The following CACNB2 variants were observed in gnomAD, a reference collection of about 807,000 sequenced individuals.
The protein encoded by CACNB2 is calcium voltage-gated channel auxiliary subunit beta 2.
A neutral mutation model predicts 73.3 loss-of-function variants in CACNB2; 42 were observed. The ratio of observed to expected loss-of-function variants is 0.57; its 90% CI spans 0.45 to 0.74. The LOEUF is 0.74. Among genes scored for constraint, CACNB2 ranks in the 30% least tolerant of loss-of-function variants. The probability of loss-of-function intolerance (pLI) is 0.00; values close to 1 mark genes in which losing one functional copy is unlikely to be tolerated. For missense variants in CACNB2, 940 were observed against 853.0 expected (o/e 1.10, Z -1.27); for synonymous variants, 348 against 310.3 (o/e 1.12, Z -1.28).
At position 18,398,060 on chromosome 10, in the gene CACNB2, G is replaced by A. The variant is rs1222479454; in HGVS notation, c.214-3864G>A. On this transcript the variant is annotated intron_variant, in intron 2 of 13. Coordinates refer to ENST00000324631, the MANE Select transcript of CACNB2 (RefSeq NM_201596.3). ...GTACATTTTGTAATGAACCTATTCC[G>A]GAGTTATGGAAACGACCGCCAGCTG... 1.2e-4 allele frequency among the ~76,000 whole-genome samples: 19 copies of A among 152,256 alleles called. No individual in the cohort carries two copies. In the South Asian group the frequency reaches 2.3e-3, roughly 18 times the overall value.
At chr10:18,433,718 G>A (rs2045997306) in intron 3 of CACNB2, among the ~76,000 whole-genome samples, 1 of 152,076 alleles carries the variant, frequency 6.6e-6, no homozygotes. Flanking sequence ...AGGAAAGAGT[G>A]GAACAAGGAG....
At chr10:18,183,336 A>AT (rs35228203) in intron 2 of CACNB2, among the ~76,000 whole-genome samples, 33,153 of 151,396 alleles carry the variant, frequency 0.22, 3,906 homozygotes, top group South Asian at 0.28. Flanking sequence ...CTTTTTTATT[A>AT]TTTTTTTTCA....
chr10:18,398,960 T>G (rs79298764), intron 2 of CACNB2, among the ~76,000 whole-genome samples: 4,250 of 152,212 alleles, frequency 0.028, 219 homozygotes, highest in African/African-American at 0.097. Flanking sequence ...GCAAAGGACT[T>G]TTTATATCTT....
chr10:18,404,883 A>T (rs1385686770), intron 3 of CACNB2, among the ~76,000 whole-genome samples: 1 of 152,194 alleles, frequency 6.6e-6, no homozygotes, highest in Non-Finnish European at 1.5e-5. Context: ...TTAACCACTA[A>T]ACTGCAGTGA....
At chr10:18,504,880 G>A (rs1403930609) in intron 5 of CACNB2, among the ~76,000 whole-genome samples, 2 of 152,182 alleles carry the variant, frequency 1.3e-5, no homozygotes, top group African/African-American at 4.8e-5. Flanking sequence ...CCCAACCTTA[G>A]GTGATCCACC....
chr10:18,386,782 A>G (rs1160877538), intron 2 of CACNB2, among the ~76,000 whole-genome samples: 4 of 152,148 alleles, frequency 2.6e-5, no homozygotes, highest in African/African-American at 9.7e-5. Context: ...ATCAGTTGGT[A>G]AGAGAGCTAG....
intron 3 of CACNB2, among the ~76,000 whole-genome samples, chr10:18,408,821 A>G (rs2132605194): frequency 6.6e-6 from 1 of 152,104 alleles, no homozygotes; most frequent in Middle Eastern, 3.4e-3. Context: ...AGGGAAGAGT[A>G]TTTTTTCTTA....
chr10:18,447,963 G>C (rs2046817414), intron 3 of CACNB2, among the ~76,000 whole-genome samples: 1 of 152,100 alleles, frequency 6.6e-6, no homozygotes, highest in Admixed American at 6.6e-5. Context: ...AAGCAGAAAA[G>C]AAGGGATAAT....
chr10:18,399,468 G>C (rs567335037), intron 2 of CACNB2, among the ~76,000 whole-genome samples: 36 of 152,194 alleles, frequency 2.4e-4, no homozygotes, highest in Admixed American at 1.8e-3. Context: ...CCTATTCTAC[G>C]TATTTTCTAG....
At chr10:18,426,555 T>C (rs1274241006) in intron 3 of CACNB2, among the ~76,000 whole-genome samples, 4 of 152,216 alleles carry the variant, frequency 2.6e-5, no homozygotes, top group Admixed American at 6.5e-5. Flanking sequence ...AAATTCTATT[T>C]CTGGTTGAGC....
intron 2 of CACNB2, chr10:18,260,908 A>C: frequency 4.4e-6 from 5 of 1,143,440 alleles, no homozygotes; most frequent in Non-Finnish European, 5.4e-6. Context: ...GGCTACTGTA[A>C]AAGCGTCACC....
chr10:18,461,003 C>T (rs1306575731), intron 3 of CACNB2, among the ~76,000 whole-genome samples: 1 of 152,042 alleles, frequency 6.6e-6, no homozygotes, highest in African/African-American at 2.4e-5. Flanking sequence ...GATCTTGGCT[C>T]ACTGCAGCCT....
At chr10:18,436,333 G>C (rs1295903501) in intron 3 of CACNB2, among the ~76,000 whole-genome samples, 1 of 152,084 alleles carries the variant, frequency 6.6e-6, no homozygotes, top group Non-Finnish European at 1.5e-5. Context: ...CAGAAATTTT[G>C]GCAAGAAAGT....
intron 2 of CACNB2, among the ~76,000 whole-genome samples, chr10:18,172,866 C>T (rs2033338686): frequency 6.6e-6 from 1 of 150,542 alleles, no homozygotes; most frequent in Admixed American, 6.6e-5. Flanking sequence ...ACACATTGGG[C>T]AAGTTACTTA....
At chr10:18,355,412 T>C (rs2041867499) in intron 2 of CACNB2, among the ~76,000 whole-genome samples, 1 of 152,146 alleles carries the variant, frequency 6.6e-6, no homozygotes, top group Admixed American at 6.5e-5. Context: ...GACTTCTATA[T>C]GTAACTAACG....
chr10:18,299,197 C>T (rs566046854), intron 2 of CACNB2, among the ~76,000 whole-genome samples: 2 of 152,160 alleles, frequency 1.3e-5, no homozygotes, highest in South Asian at 2.1e-4. Flanking sequence ...CACCAGAAGT[C>T]GCATATAATG....
chr10:18,345,021 T>C (rs1221576760), intron 2 of CACNB2, among the ~76,000 whole-genome samples: 2 of 152,250 alleles, frequency 1.3e-5, no homozygotes, highest in Non-Finnish European at 2.9e-5. Flanking sequence ...ATCAGCATAA[T>C]ATAACATCGT....
intron 2 of CACNB2, among the ~76,000 whole-genome samples, chr10:18,316,686 C>G (rs1382547301): frequency 6.6e-6 from 1 of 151,996 alleles, no homozygotes; most frequent in Non-Finnish European, 1.5e-5. Flanking sequence ...GGTCTTGGAC[C>G]CCTGGGCTAA....
chr10:18,177,993 C>T (rs1408597808), intron 2 of CACNB2, among the ~76,000 whole-genome samples: 4 of 152,144 alleles, frequency 2.6e-5, no homozygotes, highest in African/African-American at 9.7e-5. Flanking sequence ...AGACTCCCAT[C>T]CACTGGCACA....
Sources: allele counts gnomAD v4.1 joint callset (sites outside exome capture counted in the v4.1 genomes callset), GRCh38; gene constraint gnomAD v4.1.1; transcripts MANE v1.5; gene names NCBI Gene and HGNC (gene_info 2026-07-23, HGNC 2026-07-21).